The following SCFD2 variants were observed in gnomAD, a reference collection of about 807,000 sequenced individuals.
SCFD2 encodes the protein sec1 family domain-containing protein 2.
A neutral mutation model predicts 58.9 loss-of-function variants in SCFD2; 54 were observed. That is an observed-to-expected ratio of 0.92 (90% CI 0.74 to 1.15). The LOEUF is 1.15. SCFD2 is among the 50% of genes most tolerant of loss of function. SCFD2 has a pLI of 0.00. For synonymous variants in SCFD2, 321 were observed against 335.9 expected (o/e 0.96, Z 0.49); for missense variants, 805 against 836.6 (o/e 0.96, Z 0.47).
intron 5 of SCFD2, among the ~76,000 whole-genome samples, chr4:52,934,454 AT>A (rs1425156825): frequency 6.6e-6 from 1 of 152,184 alleles, no homozygotes; most frequent in Non-Finnish European, 1.5e-5. Flanking sequence ...TCTGGAAAAA[AT>A]TTTTATGGAA....
At chr4:52,989,866 C>T (rs911466467) in intron 5 of SCFD2, among the ~76,000 whole-genome samples, 1 of 152,154 alleles carries the variant, frequency 6.6e-6, no homozygotes, top group Admixed American at 6.5e-5. Flanking sequence ...TCTAGTCCTG[C>T]TGTTCACCTC....
chr4:53,148,729 G>T (rs1401689805), intron 4 of SCFD2, among the ~76,000 whole-genome samples: 6 of 152,174 alleles, frequency 3.9e-5, no homozygotes, highest in Non-Finnish European at 5.9e-5. Flanking sequence ...CTCAAAAAAG[G>T]CCAGGTGTGG....
intron 5 of SCFD2, among the ~76,000 whole-genome samples, chr4:53,122,850 T>C (rs1455363995): frequency 1.3e-5 from 2 of 152,176 alleles, no homozygotes; most frequent in Non-Finnish European, 2.9e-5. Context: ...AATGTTTTCA[T>C]GTTTAATATT....
chr4:53,252,940 A>T (rs1730452774), intron 4 of SCFD2, among the ~76,000 whole-genome samples: 1 of 152,178 alleles, frequency 6.6e-6, no homozygotes, highest in Non-Finnish European at 1.5e-5. Context: ...CTACCATCAG[A>T]GTGAACAGGC....
chr4:53,110,810 C>T (rs952402339), intron 5 of SCFD2, among the ~76,000 whole-genome samples: 7 of 152,134 alleles, frequency 4.6e-5, no homozygotes, highest in Non-Finnish European at 1.0e-4. Context: ...CCAGAAATAC[C>T]ATTTGGCCTA....
intron 5 of SCFD2, among the ~76,000 whole-genome samples, chr4:53,021,573 T>C (rs1185135246): frequency 6.6e-6 from 1 of 152,008 alleles, no homozygotes; most frequent in African/African-American, 2.4e-5. Flanking sequence ...AAATAAATAA[T>C]GGCAATGCAA....
intron 2 of SCFD2, among the ~76,000 whole-genome samples, chr4:53,319,255 A>G (rs1458156888): frequency 6.6e-6 from 1 of 152,228 alleles, no homozygotes. Flanking sequence ...TTTTGTTTTA[A>G]GCAATATCAT....
intron 5 of SCFD2, among the ~76,000 whole-genome samples, chr4:52,933,516 T>C (rs1028635883): frequency 1.3e-5 from 2 of 152,178 alleles, no homozygotes; most frequent in African/African-American, 4.8e-5. Context: ...ATGTCCACCA[T>C]GTTCATGTAG....
intron 5 of SCFD2, among the ~76,000 whole-genome samples, chr4:53,110,990 T>C (rs889935807): frequency 3.6e-4 from 55 of 152,310 alleles, no homozygotes; most frequent in Admixed American, 1.0e-3. Context: ...ATATACACCA[T>C]GGAATACTAT....
intron 4 of SCFD2, among the ~76,000 whole-genome samples, chr4:53,202,702 T>C (rs1728287132): frequency 6.6e-6 from 1 of 152,172 alleles, no homozygotes; most frequent in Non-Finnish European, 1.5e-5. Flanking sequence ...TTTATTTCAT[T>C]GAGCAGTGGT....
chr4:53,110,692 C>T (rs558008423), intron 5 of SCFD2, among the ~76,000 whole-genome samples: 119 of 152,186 alleles, frequency 7.8e-4, no homozygotes, highest in Non-Finnish European at 1.2e-3. Flanking sequence ...AAACAACAGA[C>T]GCTGGAGAGG....
intron 6 of SCFD2, among the ~76,000 whole-genome samples, chr4:52,916,278 G>A (rs1172591020): frequency 6.6e-6 from 1 of 152,210 alleles, no homozygotes. Context: ...AGGGTAAGAA[G>A]ACTTTCTGCG....
chr4:53,239,330 G>T (rs1729808275), intron 4 of SCFD2, among the ~76,000 whole-genome samples: 2 of 151,996 alleles, frequency 1.3e-5, no homozygotes, highest in South Asian at 4.2e-4. Flanking sequence ...AGCATGAGAG[G>T]GAGACCGTGG....
intron 5 of SCFD2, among the ~76,000 whole-genome samples, chr4:52,922,609 C>T (rs997086690): frequency 4.6e-5 from 7 of 152,098 alleles, no homozygotes; most frequent in African/African-American, 1.2e-4. Context: ...ATCGACTTAT[C>T]GGTTAATGGA....
chr4:53,058,889 G>A (rs1052258571), intron 5 of SCFD2, among the ~76,000 whole-genome samples: 1 of 152,126 alleles, frequency 6.6e-6, no homozygotes, highest in African/African-American at 2.4e-5. Flanking sequence ...CTTGATGCAA[G>A]ATAAAACGAG....
chr4:53,089,596 G>A (rs1192183984), intron 5 of SCFD2, among the ~76,000 whole-genome samples: 1 of 151,980 alleles, frequency 6.6e-6, no homozygotes, highest in African/African-American at 2.4e-5. Context: ...CTATAAAGTA[G>A]GCAAATTAAA....
chr4:52,973,594 G>A (rs1577871541), intron 5 of SCFD2, among the ~76,000 whole-genome samples: 1 of 152,178 alleles, frequency 6.6e-6, no homozygotes, highest in African/African-American at 2.4e-5. Context: ...AGAGGTACAA[G>A]GAGGAGCTGG....
chr4:53,064,743 T>C (rs1219909636), intron 5 of SCFD2, among the ~76,000 whole-genome samples: 1 of 152,168 alleles, frequency 6.6e-6, no homozygotes, highest in Non-Finnish European at 1.5e-5. Flanking sequence ...TTATGAGGTC[T>C]GAATTCCAGC....
chr4:53,365,522 C>CA lies in SCFD2; in HGVS notation c.419dup (p.Cys141ValfsTer2). On this transcript the variant is annotated frameshift_variant, in exon 1 of 9. Transcript: ENST00000401642. LOFTEE classifies it high-confidence loss of function. The surrounding 1 kb of genome is among the most constrained non-coding windows in gnomAD (Gnocchi z 4.3). ...AGTTCATGTTGCCCATCCATTCACACAGCTTCTCCTCCAGCTGCTCGAACA... is the reference window on the plus strand; with the variant it reads ...AGTTCATGTTGCCCATCCATTCACACAAGCTTCTCCTCCAGCTGCTCGAACA... The CA allele has an allele frequency of 6.2e-7, 1 of 1,614,230 alleles. No homozygotes were observed. The highest frequency in any genetic ancestry group is 8.5e-7 in the Non-Finnish European group (1 of 1,180,038).
Sources: allele counts gnomAD v4.1 joint callset (sites outside exome capture counted in the v4.1 genomes callset), GRCh38; gene constraint gnomAD v4.1.1; non-coding constraint Gnocchi (gnomAD v3.1); transcripts MANE v1.5; gene names NCBI Gene and HGNC (gene_info 2026-07-23, HGNC 2026-07-21).